Variants in ROBO2 observed in about 807,000 individuals in gnomAD.
ROBO2 encodes roundabout homolog 2.
A neutral mutation model predicts 160.8 loss-of-function variants in ROBO2; 53 were observed. The observed-to-expected ratio is 0.33, with a 90% CI of 0.26 to 0.41. ROBO2 has a LOEUF of 0.41. Among genes scored for constraint, ROBO2 ranks in the 10% least tolerant of loss-of-function variants. The pLI is 1.00. For synonymous variants in ROBO2, 664 were observed against 611.7 expected, an observed-to-expected ratio of 1.09 and a Z score of -1.26; for missense variants, 1,577 against 1,722.4, an observed-to-expected ratio of 0.92 and a Z score of 1.49.
At chr3:76,923,595 C>A (rs1433748618) in intron 2 of ROBO2, among the ~76,000 whole-genome samples, 1 of 152,186 alleles carries the variant, frequency 6.6e-6, no homozygotes, top group African/African-American at 2.4e-5. Flanking sequence ...AATCAGAATT[C>A]TTCTGGCTCA....
intron 2 of ROBO2, among the ~76,000 whole-genome samples, chr3:76,764,064 C>T (rs1487490873): frequency 6.6e-6 from 1 of 151,738 alleles, no homozygotes; most frequent in Non-Finnish European, 1.5e-5. Context: ...AGAAAACTCT[C>T]ACATTAATTA....
At chr3:76,478,975 C>T (rs1056326136) in intron 2 of ROBO2, among the ~76,000 whole-genome samples, 4 of 152,074 alleles carry the variant, frequency 2.6e-5, no homozygotes, top group Non-Finnish European at 5.9e-5. Flanking sequence ...ACTTCACACA[C>T]TGTTAACTAG....
intron 7 of ROBO2, among the ~76,000 whole-genome samples, chr3:77,548,683 GAT>G (rs2092795632): frequency 6.6e-6 from 1 of 151,882 alleles, no homozygotes; most frequent in Non-Finnish European, 1.5e-5. Flanking sequence ...TAATTCCAGA[GAT>G]ATTAATGTTA....
At position 76,543,814 on chromosome 3, in the gene ROBO2, G is replaced by T. The variant is rs192861975; in HGVS notation, c.110-554200G>T. Among the ~76,000 whole-genome samples, 30 of 151,316 alleles carry T rather than the reference G, an allele frequency of 2.0e-4. No individual in the cohort carries two copies. In the South Asian group the frequency reaches 5.8e-3, roughly 29 times the overall value. On this transcript the variant is annotated intron_variant, in intron 2 of 26. Transcript: ENST00000487694. Reference sequence around the variant, plus strand: ...TTTAAATCCAGACCATCTTTTTTTTGAAATCCCTGTTGTCACTCCCAAGCA... The same window carrying T: ...TTTAAATCCAGACCATCTTTTTTTTTAAATCCCTGTTGTCACTCCCAAGCA...
At chr3:76,365,742 T>C (rs1220353597) in intron 2 of ROBO2, among the ~76,000 whole-genome samples, 2 of 152,078 alleles carry the variant, frequency 1.3e-5, no homozygotes, top group Non-Finnish European at 2.9e-5. Flanking sequence ...TTAAATTGAA[T>C]CTTTGAGCTG....
intron 2 of ROBO2, among the ~76,000 whole-genome samples, chr3:76,854,062 CTCTCTT>C (rs1559605481): frequency 1.3e-4 from 9 of 69,728 alleles, no homozygotes; most frequent in East Asian, 5.0e-4. Flanking sequence ...CTCTCTCTCT[CTCTCTT>C]TCTCTGTCTG....
intron 2 of ROBO2, among the ~76,000 whole-genome samples, chr3:76,087,903 T>A (rs945933425): frequency 5.3e-5 from 8 of 152,000 alleles, no homozygotes; most frequent in African/African-American, 9.7e-5. Context: ...TTAATATGGA[T>A]GATATTAACA....
chr3:76,321,534 C>T (rs1281994201), intron 2 of ROBO2, among the ~76,000 whole-genome samples: 3 of 151,868 alleles, frequency 2.0e-5, no homozygotes, highest in South Asian at 2.1e-4. Flanking sequence ...CTATATGCTA[C>T]GTGTATCAAC....
intron 2 of ROBO2, among the ~76,000 whole-genome samples, chr3:76,510,047 C>T (rs2081001707): frequency 6.6e-6 from 1 of 152,034 alleles, no homozygotes; most frequent in African/African-American, 2.4e-5. Flanking sequence ...ACAAGCACAC[C>T]CACAAAGGGT....
At chr3:77,435,524 A>G (rs904703466) in intron 2 of ROBO2, among the ~76,000 whole-genome samples, 2 of 151,890 alleles carry the variant, frequency 1.3e-5, no homozygotes, top group Non-Finnish European at 2.9e-5. Context: ...TTTTTTTTCC[A>G]TCTAAATTCT....
intron 2 of ROBO2, among the ~76,000 whole-genome samples, chr3:76,574,959 G>T (rs1005122976): frequency 1.3e-5 from 2 of 152,038 alleles, no homozygotes; most frequent in South Asian, 4.1e-4. Context: ...TTCAAAATTT[G>T]CCCTTATCAT....
At chr3:77,315,048 T>A (rs2063857853) in intron 2 of ROBO2, among the ~76,000 whole-genome samples, 1 of 152,194 alleles carries the variant, frequency 6.6e-6, no homozygotes, top group Non-Finnish European at 1.5e-5. Flanking sequence ...AACAATGTGG[T>A]ATAGGGAGAA....
At chr3:77,324,253 A>G (rs554137365) in intron 2 of ROBO2, among the ~76,000 whole-genome samples, 1 of 152,302 alleles carries the variant, frequency 6.6e-6, no homozygotes, top group East Asian at 1.9e-4. Context: ...GCATGGACTC[A>G]AAAGATGGAA....
rs546741370 is a variant in ROBO2, at chr3:75,950,873, G to A, written c.109+13271G>A. ...TGTCCAGGGCTGGTTCCCACATTGC[G>A]TCCTGAGCTGACAGGATAGGCTGTG... On this transcript the variant is annotated intron_variant, in intron 2 of 26. Coordinates refer to the ROBO2 transcript ENST00000487694. Among the ~76,000 whole-genome samples the A allele has an allele frequency of 2.5e-3, 387 of 152,166 alleles. 1 individual carries two copies. Among genetic ancestry groups the A allele is most frequent in the Non-Finnish European group, 3.8e-3 (258 of 67,996 alleles).
At chr3:77,546,347 A>G (rs1424731283) in exon 7 of ROBO2, 1 of 1,612,938 alleles carries the variant, frequency 6.2e-7, no homozygotes, top group Non-Finnish European at 8.5e-7. Context: ...GCTCCCCCAC[A>G]GTTTGTGGTT....
chr3:75,957,513 G>GTT (rs553676233), intron 2 of ROBO2, among the ~76,000 whole-genome samples: 4 of 142,354 alleles, frequency 2.8e-5, no homozygotes, highest in Admixed American at 1.4e-4. Flanking sequence ...TTAATAGAAG[G>GTT]TTTTTTTTTT....
chr3:77,561,635 G>A (rs139755726), intron 9 of ROBO2, among the ~76,000 whole-genome samples: 1 of 152,044 alleles, frequency 6.6e-6, no homozygotes, highest in African/African-American at 2.4e-5. Flanking sequence ...TTTTTATTGT[G>A]ATCAAAAAAG....
chr3:76,015,595 G>A (rs2066384148), intron 2 of ROBO2, among the ~76,000 whole-genome samples: 1 of 152,170 alleles, frequency 6.6e-6, no homozygotes, highest in East Asian at 1.9e-4. Flanking sequence ...AATTTCTTAT[G>A]TTCTGGTATG....
At chr3:76,644,977 G>A (rs754039822) in intron 2 of ROBO2, among the ~76,000 whole-genome samples, 8 of 152,114 alleles carry the variant, frequency 5.3e-5, no homozygotes, top group Admixed American at 1.3e-4. Context: ...AAGAGGATTC[G>A]TCATATTTTA....
Sources: allele counts gnomAD v4.1 joint callset (sites outside exome capture counted in the v4.1 genomes callset), GRCh38; gene constraint gnomAD v4.1.1; transcripts MANE v1.5; gene names NCBI Gene and HGNC (gene_info 2026-07-23, HGNC 2026-07-21).